Variants in MAOA observed in about 807,000 individuals in gnomAD.
The protein encoded by MAOA is monoamine oxidase A.
A neutral mutation model predicts 42.0 loss-of-function variants in MAOA; 6 were observed. The observed-to-expected ratio is 0.14, with a 90% CI of 0.08 to 0.28. MAOA has a LOEUF of 0.28. Ranked by LOEUF, MAOA falls within the 10% of genes least tolerant of loss-of-function variation. The pLI, the probability that MAOA is intolerant of heterozygous loss-of-function variation, is 1.00. For synonymous variants in MAOA, 140 were observed against 154.0 expected, an observed-to-expected ratio of 0.91 and a Z score of 0.67; for missense variants, 262 against 422.3, an observed-to-expected ratio of 0.62 and a Z score of 3.33.
At chrX:43,666,141 C>T (rs780741388) in intron 1 of MAOA, among the ~76,000 whole-genome samples, 158 of 112,239 alleles carry the variant, frequency 1.4e-3, no homozygotes, top group African/African-American at 4.9e-3. Flanking sequence ...TTCTTCTATT[C>T]ATTGCAACAA....
intron 2 of MAOA, among the ~76,000 whole-genome samples, chrX:43,692,732 A>T (rs1290678371): frequency 1.8e-5 from 2 of 111,942 alleles, no homozygotes; most frequent in Non-Finnish European, 3.8e-5. Flanking sequence ...TGTATTTATG[A>T]GGGAGGAAGT....
At chrX:43,712,074 C>G in intron 4 of MAOA, 98 bp downstream of exon 4, 2 of 650,104 alleles carry the variant, frequency 3.1e-6, no homozygotes, top group Non-Finnish European at 5.0e-6. Context: ...GCTCTGGACA[C>G]CAATGCATAT....
At chrX:43,710,367 G>C in intron 3 of MAOA, among the ~76,000 whole-genome samples, 1 of 112,445 alleles carries the variant, frequency 8.9e-6, no homozygotes, top group East Asian at 2.8e-4. Flanking sequence ...ATGTGGAAGG[G>C]AAAATTACTT....
intron 1 of MAOA, among the ~76,000 whole-genome samples, chrX:43,675,149 C>CT (rs1240144884): frequency 4.5e-5 from 5 of 111,449 alleles, no homozygotes; most frequent in Non-Finnish European, 7.5e-5. Flanking sequence ...TCTTTTTATG[C>CT]TTTTTTCTCT....
intron 9 of MAOA, among the ~76,000 whole-genome samples, chrX:43,735,978 C>T (rs2147104986): frequency 8.9e-6 from 1 of 112,724 alleles, no homozygotes; most frequent in African/African-American, 3.2e-5. Context: ...TGCCAAAAAC[C>T]ATGTTAAACT....
intron 3 of MAOA, among the ~76,000 whole-genome samples, chrX:43,697,719 T>G (rs895812814): frequency 8.9e-6 from 1 of 111,855 alleles, no homozygotes; most frequent in African/African-American, 3.2e-5. Context: ...TGGTTAAAGT[T>G]TAGTTTATTT....
At chrX:43,721,956 T>C (rs2033793675) in intron 5 of MAOA, among the ~76,000 whole-genome samples, 1 of 111,374 alleles carries the variant, frequency 9.0e-6, no homozygotes, top group Non-Finnish European at 1.9e-5. Context: ...TTTCTCTTAT[T>C]GTGTTACTTT....
At chrX:43,727,124 G>A (rs2033843783) in intron 5 of MAOA, among the ~76,000 whole-genome samples, 1 of 112,070 alleles carries the variant, frequency 8.9e-6, no homozygotes, top group African/African-American at 3.2e-5. Flanking sequence ...CCTACTGGGA[G>A]GTGTCTCTCA....
rs188303270 is a variant in MAOA, at chrX:43,741,438, G to A, written c.1165-512G>A. On this transcript the variant is annotated intron_variant, in intron 11 of 14. Coordinates refer to ENST00000338702, the MANE Select transcript of MAOA (RefSeq NM_000240.4). ...TTTTCATCTTAATTGCCGCTTTTTC[G>A]TGGAATTCCCATCATACATGTTTCC... Among the ~76,000 whole-genome samples the A allele has an allele frequency of 3.0e-4, 34 of 111,809 alleles. No individual in the cohort carries two copies. The South Asian group carries it at 7.0e-3, about 23-fold the overall frequency.
chrX:43,692,506 G>A (rs1379023993), intron 2 of MAOA, among the ~76,000 whole-genome samples: 1 of 110,084 alleles, frequency 9.1e-6, no homozygotes, highest in Non-Finnish European at 1.9e-5. Context: ...GTTTTCAAGT[G>A]CAATGAGTGG....
At chrX:43,670,128 C>T (rs1413829725) in intron 1 of MAOA, among the ~76,000 whole-genome samples, 1 of 111,961 alleles carries the variant, frequency 8.9e-6, no homozygotes, top group Non-Finnish European at 1.9e-5. Flanking sequence ...CTTCACATTA[C>T]CCACCAAGGC....
At chrX:43,689,022 A>T (rs1321147869) in intron 2 of MAOA, among the ~76,000 whole-genome samples, 1 of 111,566 alleles carries the variant, frequency 9.0e-6, no homozygotes, top group Non-Finnish European at 1.9e-5. Context: ...AGTTTTCTTT[A>T]TTCTGACTTT....
chrX:43,661,488 GGAGA>G (rs1221386024), intron 1 of MAOA, among the ~76,000 whole-genome samples: 1 of 111,499 alleles, frequency 9.0e-6, no homozygotes, highest in Non-Finnish European at 1.9e-5. Context: ...ATACCATACA[GGAGA>G]GACTAGAGGA....
chrX:43,743,018 TA>T (rs1047024639), intron 12 of MAOA, among the ~76,000 whole-genome samples: 5 of 110,359 alleles, frequency 4.5e-5, no homozygotes, highest in African/African-American at 1.7e-4. Context: ...AGATGAGGAA[TA>T]GATGAAACCC....
At chrX:43,675,706 C>T (rs975718490) in intron 1 of MAOA, among the ~76,000 whole-genome samples, 1 of 112,503 alleles carries the variant, frequency 8.9e-6, no homozygotes, top group Non-Finnish European at 1.9e-5. Context: ...TAGAGGTCCA[C>T]TCCAGACCCT....
intron 1 of MAOA, among the ~76,000 whole-genome samples, chrX:43,662,328 C>G (rs1488470977): frequency 9.1e-6 from 1 of 110,329 alleles, no homozygotes; most frequent in African/African-American, 3.3e-5. Flanking sequence ...AAATACTAAA[C>G]AAAGAATACA....
chrX:43,662,156 A>G (rs753536138), intron 1 of MAOA, among the ~76,000 whole-genome samples: 45 of 111,490 alleles, frequency 4.0e-4, no homozygotes, highest in Non-Finnish European at 7.5e-5. Context: ...GCTTCCATTT[A>G]AGAAATGCCA....
chrX:43,727,508 C>T (rs1271578188), intron 5 of MAOA, among the ~76,000 whole-genome samples: 1 of 112,412 alleles, frequency 8.9e-6, no homozygotes, highest in African/African-American at 3.2e-5. Flanking sequence ...AGATGCACCT[C>T]TCCACACCAA....
chrX:43,675,079 T>C (rs2033381335), intron 1 of MAOA, among the ~76,000 whole-genome samples: 1 of 111,954 alleles, frequency 8.9e-6, no homozygotes, highest in African/African-American at 3.2e-5. Context: ...CACTTTCAGG[T>C]ACACCAATCA....
Sources: gnomAD v4.1 joint callset for allele counts (sites outside exome capture counted in the v4.1 genomes callset) on GRCh38, gnomAD v4.1.1 for gene constraint, MANE v1.5 for transcripts, NCBI Gene and HGNC (gene_info 2026-07-23, HGNC 2026-07-21) for gene names.